SORBS2: variants seen among roughly 807,000 people sequenced by gnomAD.
SORBS2 encodes sorbin and SH3 domain containing 2, also known as sorbin and SH3 domain-containing protein 2.
Under a neutral mutation model 97.7 loss-of-function variants are expected in SORBS2, and 46 were observed. That is an observed-to-expected ratio of 0.47 (90% confidence interval 0.37 to 0.60). The LOEUF (loss-of-function observed/expected upper bound fraction) is 0.60, where lower values mean the gene tolerates loss of function less well. SORBS2 is among the 20% of genes least tolerant of loss of function. The pLI is 0.00. For missense variants in SORBS2, 1,316 were observed against 1,282.3 expected (o/e 1.03, Z -0.40); for synonymous variants, 476 against 473.4 (o/e 1.01, Z -0.07).
intron 2 of SORBS2, among the ~76,000 whole-genome samples, chr4:185,696,138 T>C (rs2098171817): frequency 6.6e-6 from 1 of 152,194 alleles, no homozygotes; most frequent in South Asian, 2.1e-4. Flanking sequence ...TAAATGAACA[T>C]GAGGCCGTTG....
chr4:185,916,201 G>A (rs2099258072), intron 1 of SORBS2, among the ~76,000 whole-genome samples: 1 of 152,182 alleles, frequency 6.6e-6, no homozygotes, highest in South Asian at 2.1e-4. Context: ...GAATTAGGAG[G>A]AATTTCAGAG....
intron 1 of SORBS2, among the ~76,000 whole-genome samples, chr4:185,947,564 G>A (rs1213630934): frequency 6.6e-6 from 1 of 152,004 alleles, no homozygotes; most frequent in Non-Finnish European, 1.5e-5. Context: ...GCTACAGTTC[G>A]GTCATCTCAC....
In SORBS2 at chr4:185,607,719, G is replaced by A. The variant is rs1178980746; in HGVS notation, c.2796+4061C>T. Among the ~76,000 whole-genome samples the A allele has an allele frequency of 6.6e-6, 1 of 151,998 alleles. No homozygotes were observed. The highest frequency in any genetic ancestry group is 1.5e-5 in the Non-Finnish European group (1 of 68,002). On this transcript the variant is annotated intron_variant, in intron 12 of 14. Transcript: ENST00000418609. The surrounding 1 kb of genome is among the most constrained non-coding windows in gnomAD (Gnocchi z 5.2). Reference sequence around the variant, plus strand: ...TTTTTTAAAAAATTTTTTAGAGATGGAGTCTCGCTGTGGCACCCAGGCTGG... The same window carrying A: ...TTTTTTAAAAAATTTTTTAGAGATGAAGTCTCGCTGTGGCACCCAGGCTGG...
At chr4:185,752,220 TTACTG>T (rs2098804668) in intron 2 of SORBS2, among the ~76,000 whole-genome samples, 1 of 151,630 alleles carries the variant, frequency 6.6e-6, no homozygotes, top group Non-Finnish European at 1.5e-5. Flanking sequence ...GCAACATTTA[TTACTG>T]TAGTTAGAAT....
Position 185,939,572 on chromosome 4 carries a change from G to A in SORBS2, c.-338+16624C>T, listed in dbSNP as rs191165518. On this transcript the variant is annotated intron_variant, in intron 1 of 20. Transcript: ENST00000284776. ...GTTGCCCAGGCTGGAGTGCGATGGC[G>A]CGACCTCGGCTCACCGCAACCTCTG... Among the ~76,000 whole-genome samples the A allele has an allele frequency of 1.9e-3, 292 of 152,084 alleles. 3 individuals carry two copies. Among genetic ancestry groups the A allele is most frequent in the Middle Eastern group, 6.8e-3 (2 of 294 alleles).
At chr4:185,594,197 T>A (rs1331999104) in intron 12 of SORBS2, among the ~76,000 whole-genome samples, 3 of 152,192 alleles carry the variant, frequency 2.0e-5, no homozygotes, top group Non-Finnish European at 4.4e-5. Context: ...TAAGGAAAAG[T>A]CAGGGTTTGG....
chr4:185,786,573 G>C (rs1314777730), intron 1 of SORBS2, among the ~76,000 whole-genome samples: 1 of 152,198 alleles, frequency 6.6e-6, no homozygotes. Flanking sequence ...TTGGAACCAG[G>C]CACAGCTGAT....
At chr4:185,785,451 C>T (rs902785512) in intron 1 of SORBS2, among the ~76,000 whole-genome samples, 2 of 152,212 alleles carry the variant, frequency 1.3e-5, no homozygotes. Flanking sequence ...ATAACGATTC[C>T]GTTTTATAAC....
At chr4:185,761,542 G>C (rs1040282699) in intron 2 of SORBS2, 1 of 152,162 alleles carries the variant, frequency 6.6e-6, no homozygotes, top group Non-Finnish European at 1.5e-5. Context: ...TGACTGTCAC[G>C]GACAAGTACA....
intron 1 of SORBS2, among the ~76,000 whole-genome samples, chr4:185,880,991 GAAA>G (rs1437612737): frequency 6.6e-6 from 1 of 151,896 alleles, no homozygotes; most frequent in Non-Finnish European, 1.5e-5. Flanking sequence ...AAAAAGTGAA[GAAA>G]AAGAGAAAGG....
chr4:185,922,730 A>G (rs2099261480), intron 1 of SORBS2, among the ~76,000 whole-genome samples: 1 of 152,162 alleles, frequency 6.6e-6, no homozygotes, highest in African/African-American at 2.4e-5. Context: ...ACATTCAGCA[A>G]TTGTTATAGT....
In SORBS2 at chr4:185,623,561, C is replaced by T; in HGVS notation, c.1568G>A (p.Cys523Tyr). 1 of 1,614,032 alleles carries T rather than the reference C, an allele frequency of 6.2e-7. No individual in the cohort carries two copies. Residue 523 changes from cysteine to tyrosine, a missense_variant, in exon 7 of 15, where the codon TGC becomes TAC. Transcript: ENST00000418609. This position sits in a 1 kb window ranked among gnomAD's most constrained non-coding sequence, Gnocchi z 6.4. ...AAAGTGATCAAAGTCACTTTCACTGCAGAAGGATGACCCCTCTAGGTGAAT... is the reference window on the plus strand; with the variant it reads ...AAAGTGATCAAAGTCACTTTCACTGTAGAAGGATGACCCCTCTAGGTGAAT...
At chr4:185,750,044 C>T (rs1041692967) in intron 2 of SORBS2, among the ~76,000 whole-genome samples, 5 of 152,232 alleles carry the variant, frequency 3.3e-5, no homozygotes, top group South Asian at 2.1e-4. Context: ...GCAAATACCA[C>T]CCTCTGTTCA....
At chr4:185,884,520 G>A (rs2099238402) in intron 1 of SORBS2, among the ~76,000 whole-genome samples, 1 of 152,170 alleles carries the variant, frequency 6.6e-6, no homozygotes. Flanking sequence ...TAAAGGATTA[G>A]TAAGATCTGA....
rs189546951 is a variant in SORBS2, at chr4:185,816,243, G to C, written c.-337-40877C>G. Among the ~76,000 whole-genome samples the C allele has an allele frequency of 1.6e-3, 244 of 148,268 alleles. No individual in the cohort carries two copies. The Middle Eastern group carries it at 0.018, about 11-fold the overall frequency. Reference sequence around the variant, plus strand: ...AAAATCATCACTGCTTGAAGCAATAGGTTCTTCTCTAGTCACATCTTCTGC... The same window carrying C: ...AAAATCATCACTGCTTGAAGCAATACGTTCTTCTCTAGTCACATCTTCTGC... On this transcript the variant is annotated intron_variant, in intron 1 of 20. Transcript: ENST00000284776.
chr4:185,731,860 CTCTCTCTATA>C (rs1361176799), intron 2 of SORBS2, among the ~76,000 whole-genome samples: 93 of 34,230 alleles, frequency 2.7e-3, no homozygotes, highest in Admixed American at 3.6e-3. Flanking sequence ...CTCTCTCTCT[CTCTCTCTATA>C]TATATATATA....
At position 185,596,846 on chromosome 4, in the gene SORBS2, T is replaced by A. The variant is rs182866516; in HGVS notation, c.2797-2911A>T. Among the ~76,000 whole-genome samples the A allele has an allele frequency of 9.2e-5, 14 of 152,260 alleles. No individual in the cohort carries two copies. The East Asian group carries it at 2.7e-3, about 29-fold the overall frequency. On this transcript the variant is annotated intron_variant, in intron 12 of 14. Coordinates refer to ENST00000418609, the Ensembl canonical transcript of SORBS2. ...CTGCGCCCGGCCCCCGTCCTTGCTTTTACCTGTTTCCCAATTTCTCTTTTC... is the reference window on the plus strand; with the variant it reads ...CTGCGCCCGGCCCCCGTCCTTGCTTATACCTGTTTCCCAATTTCTCTTTTC...
intron 1 of SORBS2, among the ~76,000 whole-genome samples, chr4:185,779,393 TATGA>T (rs2099016379): frequency 6.6e-6 from 1 of 152,234 alleles, no homozygotes; most frequent in African/African-American, 2.4e-5. Context: ...GTAAATTTTA[TATGA>T]ATGTTGGTTA....
chr4:185,690,392 T>A (rs1561934616), intron 2 of SORBS2, among the ~76,000 whole-genome samples, 170 bp downstream of exon 4: 1 of 152,124 alleles, frequency 6.6e-6, no homozygotes, highest in Admixed American at 6.5e-5. Context: ...TTGGTGGCTA[T>A]AAGAGTGGGG....
Sources: gnomAD v4.1 joint callset for allele counts (sites outside exome capture counted in the v4.1 genomes callset) on GRCh38, gnomAD v4.1.1 for gene constraint, Gnocchi (gnomAD v3.1) non-coding constraint, MANE v1.5 for transcripts, NCBI Gene and HGNC (gene_info 2026-07-23, HGNC 2026-07-21) for gene names.